HPGD: variants seen among roughly 807,000 people sequenced by gnomAD.
HPGD encodes the protein 15-hydroxyprostaglandin dehydrogenase, also known as 15-hydroxyprostaglandin dehydrogenase [NAD(+)].
A neutral mutation model predicts 30.0 loss-of-function variants in HPGD; 29 were observed. The ratio of observed to expected loss-of-function variants is 0.97; its 90% confidence interval spans 0.72 to 1.32. The LOEUF is 1.32. Among genes scored for constraint, HPGD ranks in the 40% most tolerant of loss-of-function variants. The pLI is 0.00. For synonymous variants in HPGD, 99 were observed against 112.4 expected (o/e 0.88, Z 0.75); for missense variants, 340 against 322.1 (o/e 1.06, Z -0.43).
chr4:174,505,271 G>C (rs138799081), intron 4 of HPGD, among the ~76,000 whole-genome samples: 5 of 152,318 alleles, frequency 3.3e-5, no homozygotes, highest in Non-Finnish European at 5.9e-5. Flanking sequence ...ATCCACGCTA[G>C]AGATCATGAG....
At chr4:174,504,418 C>T (rs1281612680) in intron 4 of HPGD, among the ~76,000 whole-genome samples, 1 of 152,106 alleles carries the variant, frequency 6.6e-6, no homozygotes, top group Admixed American at 6.5e-5. Flanking sequence ...AGTGACAGAG[C>T]ATGTCCCTAG....
intron 4 of HPGD, among the ~76,000 whole-genome samples, chr4:174,498,451 A>T (rs1482385281): frequency 6.6e-6 from 1 of 152,162 alleles, no homozygotes; most frequent in Non-Finnish European, 1.5e-5. Flanking sequence ...GATAATGAAC[A>T]TGTCCATCAC....
chr4:174,498,137 T>C (rs1028144769), intron 4 of HPGD, among the ~76,000 whole-genome samples: 4 of 151,354 alleles, frequency 2.6e-5, no homozygotes, highest in African/African-American at 9.7e-5. Flanking sequence ...TTGGTAGAGA[T>C]AGGATTTCAC....
In HPGD at chr4:174,492,799, A is replaced by G. The variant is rs1007367989; in HGVS notation, c.662+352T>C. 1.3e-5 allele frequency among the ~76,000 whole-genome samples: 2 copies of G among 152,084 alleles called. No individual in the cohort carries two copies. Among genetic ancestry groups the G allele is most frequent in the African/African-American group, 2.4e-5 (1 of 41,444 alleles). On this transcript the variant is annotated intron_variant, in intron 6 of 6. Coordinates refer to ENST00000296522, the MANE Select transcript of HPGD (RefSeq NM_000860.6). This position sits in a 1 kb window ranked among gnomAD's most constrained non-coding sequence, Gnocchi z 4.9. ...GTGTGTATCAACTATTTCTTATAAA[A>G]GTGGTTGAAGTCATGGAAACTTGCA...
At chr4:174,511,540 T>G (rs1349217090) in intron 3 of HPGD, among the ~76,000 whole-genome samples, 1 of 152,220 alleles carries the variant, frequency 6.6e-6, no homozygotes, top group Non-Finnish European at 1.5e-5. Context: ...CATGACAGAA[T>G]TACCATTCCA....
chr4:174,495,882 GCCT>G, intron 4 of HPGD: 1 of 468,152 alleles, frequency 2.1e-6, no homozygotes, highest in Non-Finnish European at 3.9e-6. Flanking sequence ...GTGTTTTTCT[GCCT>G]CCCCAGGCCT....
intron 4 of HPGD, chr4:174,495,943 C>A: frequency 3.2e-6 from 1 of 312,754 alleles, no homozygotes; most frequent in Non-Finnish European, 6.1e-6. Flanking sequence ...CAAAGAAAAT[C>A]ATCTTTAAAG....
intron 4 of HPGD, among the ~76,000 whole-genome samples, chr4:174,504,636 C>T (rs1215487512): frequency 6.7e-6 from 1 of 150,176 alleles, no homozygotes; most frequent in Admixed American, 6.6e-5. Context: ...GATGAAATCC[C>T]GTTTCTACTA....
chr4:174,508,800 A>T lies in HPGD; in HGVS notation c.325-8T>A. ...TCCACTGATAACAGAAACCTAATCC[A>T]GAGGCATAAGTGAGAAAAGGAATAC... On this transcript the variant is annotated splice_polypyrimidine_tract_variant and splice_region_variant and intron_variant, in intron 3 of 6. Transcript: ENST00000296522. 6.9e-7 allele frequency: 1 copy of T among 1,444,678 alleles called. No individual in the cohort carries two copies. The highest frequency in any genetic ancestry group is 9.7e-7 in the Non-Finnish European group (1 of 1,026,394). 89.5% of individuals were successfully genotyped at this position (1,444,678 alleles called of 1,614,324 possible).
chr4:174,493,167 A>G lies in HPGD; in HGVS notation c.646T>C (p.Tyr216His), dbSNP rs1369481747. 1 of 1,596,272 alleles carries G rather than the reference A, an allele frequency of 6.3e-7. No individual in the cohort carries two copies. Among genetic ancestry groups the G allele is most frequent in the South Asian group, 1.1e-5 (1 of 90,278 alleles). Residue 216 changes from tyrosine (Y) to histidine (H), a missense_variant, in exon 6 of 7, where the codon TAC (tyrosine) becomes CAC (histidine). Tyr to His is a moderately conservative substitution (Grantham distance 83). Transcript: ENST00000296522. ...TTTACTTACTCCAAAATTCCATAGT[A>G]TTTAATCATATCCTTGATATGATCC... ...YKDHIKDMIK[Y>H]YGILDPPLIA...
chr4:174,516,021 G>C (rs1735753222), intron 3 of HPGD, among the ~76,000 whole-genome samples: 1 of 152,022 alleles, frequency 6.6e-6, no homozygotes, highest in Admixed American at 6.6e-5. Flanking sequence ...TAGAGAAAAG[G>C]GAACACTTAT....
chr4:174,498,975 C>A (rs912245656), intron 4 of HPGD, among the ~76,000 whole-genome samples: 2 of 152,134 alleles, frequency 1.3e-5, no homozygotes, highest in African/African-American at 4.8e-5. Context: ...TTTTCTACTG[C>A]ATCTGATTCA....
chr4:174,512,229 G>T (rs886228273), intron 3 of HPGD, among the ~76,000 whole-genome samples: 1 of 152,174 alleles, frequency 6.6e-6, no homozygotes, highest in African/African-American at 2.4e-5. Context: ...TCATATACAG[G>T]TAATGGCAGG....
chr4:174,509,419 C>T (rs1036971740), intron 3 of HPGD, among the ~76,000 whole-genome samples: 1 of 152,178 alleles, frequency 6.6e-6, no homozygotes, highest in Non-Finnish European at 1.5e-5. Context: ...TTCTCCTTGA[C>T]AGTGGCTGGT....
intron 3 of HPGD, among the ~76,000 whole-genome samples, chr4:174,514,307 A>G (rs1735659527): frequency 6.6e-6 from 1 of 152,206 alleles, no homozygotes; most frequent in Non-Finnish European, 1.5e-5. Flanking sequence ...GGTCTCTCCA[A>G]ACACATGTAT....
intron 4 of HPGD, among the ~76,000 whole-genome samples, chr4:174,501,335 G>A (rs1412521197): frequency 6.6e-6 from 1 of 152,078 alleles, no homozygotes; most frequent in Non-Finnish European, 1.5e-5. Context: ...TTTAAGAATA[G>A]CAACAACAAT....
chr4:174,517,643 A>G (rs45484295), intron 3 of HPGD, among the ~76,000 whole-genome samples: 2,769 of 152,272 alleles, frequency 0.018, 66 homozygotes, highest in African/African-American at 0.057. Context: ...CCATTTAGAA[A>G]TGTAAAATGG....
In HPGD at chr4:174,491,673, T is replaced by C. The variant is rs1002102729; in HGVS notation, c.*283A>G. ...TATGAAGCACAGATATAAATACACT[T>C]TCTGAAAGGCAGAATATTGAATATT... On this transcript the variant is annotated 3_prime_UTR_variant, in exon 7 of 7. Transcript: ENST00000296522. 3.8e-5 allele frequency: 14 copies of C among 367,322 alleles called. No homozygotes were observed. The highest frequency in any genetic ancestry group is 8.2e-5 in the African/African-American group (4 of 48,804). The allele number at this position is 367,322 out of a possible 1,614,324, so 22.8% of individuals were successfully genotyped here.
At chr4:174,502,677 C>CACAA (rs1734977685) in intron 4 of HPGD, among the ~76,000 whole-genome samples, 1 of 98,840 alleles carries the variant, frequency 1.0e-5, no homozygotes, top group African/African-American at 3.8e-5. Flanking sequence ...GACTCCGTCT[C>CACAA]AAAAAAAAAA....
Sources: gnomAD v4.1 joint callset for allele counts (sites outside exome capture counted in the v4.1 genomes callset) on GRCh38, gnomAD v4.1.1 for gene constraint, Gnocchi (gnomAD v3.1) non-coding constraint, MANE v1.5 for transcripts, NCBI Gene and HGNC (gene_info 2026-07-23, HGNC 2026-07-21) for gene names.